The following HIBADH variants were observed in gnomAD, a reference collection of about 807,000 sequenced individuals.
HIBADH encodes the protein 3-hydroxyisobutyrate dehydrogenase.
Under a neutral mutation model 36.1 loss-of-function variants are expected in HIBADH, and 25 were observed. The ratio of observed to expected loss-of-function variants is 0.69; its 90% CI spans 0.50 to 0.97. HIBADH has a LOEUF of 0.97. Among genes scored for constraint, HIBADH ranks in the 50% least tolerant of loss-of-function variants. The probability of loss-of-function intolerance (pLI) is 0.00; values close to 1 mark genes in which losing one functional copy is unlikely to be tolerated. For synonymous variants in HIBADH, 160 were observed against 149.5 expected (o/e 1.07, Z -0.51); for missense variants, 421 against 418.0 (o/e 1.01, Z -0.06).
At chr7:27,541,906 A>C (rs533694295) in intron 5 of HIBADH, among the ~76,000 whole-genome samples, 3 of 152,250 alleles carry the variant, frequency 2.0e-5, no homozygotes, top group African/African-American at 7.2e-5. Context: ...GTTCACTGCA[A>C]TAGCAACAGG....
At chr7:27,572,762 A>G (rs966948021) in intron 4 of HIBADH, among the ~76,000 whole-genome samples, 1 of 152,116 alleles carries the variant, frequency 6.6e-6, no homozygotes, top group African/African-American at 2.4e-5. Context: ...CAAGGAACCC[A>G]CTCTCAGCTC....
intron 4 of HIBADH, among the ~76,000 whole-genome samples, chr7:27,574,767 A>C (rs1287219929): frequency 6.6e-6 from 1 of 152,230 alleles, no homozygotes; most frequent in African/African-American, 2.4e-5. Flanking sequence ...TTTTACCAAA[A>C]CACAAGCAAT....
At chr7:27,647,220 G>C (rs1418192515) in intron 2 of HIBADH, among the ~76,000 whole-genome samples, 2 of 152,190 alleles carry the variant, frequency 1.3e-5, no homozygotes, top group Non-Finnish European at 2.9e-5. Context: ...AATGGGCCAG[G>C]GAGTGTCTGC....
intron 4 of HIBADH, among the ~76,000 whole-genome samples, chr7:27,586,891 G>T (rs1454969815): frequency 6.6e-6 from 1 of 152,218 alleles, no homozygotes. Flanking sequence ...CAGGGCCACT[G>T]GCTGTCAGAA....
intron 4 of HIBADH, among the ~76,000 whole-genome samples, chr7:27,552,769 C>T (rs1460735053): frequency 6.6e-6 from 1 of 152,182 alleles, no homozygotes; most frequent in East Asian, 1.9e-4. Flanking sequence ...TACCTTAATG[C>T]ACCTGTTCCT....
chr7:27,543,364 C>A lies in HIBADH; in HGVS notation c.485-264G>T, dbSNP rs184046238. On this transcript the variant is annotated intron_variant, in intron 4 of 7. Transcript: ENST00000265395. ...CTTAATCATTTTGGCACAATCATGG[C>A]CTAACAGATAAGGGAACTTAAAATG... Among the ~76,000 whole-genome samples the A allele has an allele frequency of 3.7e-4, 56 of 152,206 alleles. 1 individual carries two copies. In the East Asian group the frequency reaches 0.011, roughly 29 times the overall value.
At chr7:27,539,493 A>G (rs1359748663) in intron 5 of HIBADH, among the ~76,000 whole-genome samples, 2 of 151,878 alleles carry the variant, frequency 1.3e-5, no homozygotes, top group Non-Finnish European at 2.9e-5. Context: ...TGGGAGGGGG[A>G]GGGAGACAAC....
chr7:27,548,020 A>G (rs572097667), intron 4 of HIBADH, among the ~76,000 whole-genome samples: 1 of 152,268 alleles, frequency 6.6e-6, no homozygotes, highest in African/African-American at 2.4e-5. Context: ...ATTTGTACAA[A>G]TAAATGAAAA....
chr7:27,527,806 A>G (rs1243765047), intron 7 of HIBADH, among the ~76,000 whole-genome samples: 1 of 140,356 alleles, frequency 7.1e-6, no homozygotes, highest in African/African-American at 2.7e-5. Context: ...GCTGGAGTGT[A>G]GTGGCGCAAT....
intron 2 of HIBADH, among the ~76,000 whole-genome samples, chr7:27,634,483 A>C (rs1785803112): frequency 6.6e-6 from 1 of 152,180 alleles, no homozygotes; most frequent in South Asian, 2.1e-4. Flanking sequence ...AGCTCAGTGA[A>C]ATAAGAAAAA....
intron 4 of HIBADH, among the ~76,000 whole-genome samples, chr7:27,549,948 G>A (rs548841153): frequency 2.4e-4 from 36 of 152,030 alleles, no homozygotes; most frequent in African/African-American, 6.8e-4. Context: ...TCGCTCAGTC[G>A]CCAGGATGGA....
At chr7:27,607,239 G>T (rs1785244251) in intron 4 of HIBADH, among the ~76,000 whole-genome samples, 1 of 127,998 alleles carries the variant, frequency 7.8e-6, no homozygotes, top group Admixed American at 8.1e-5. Context: ...GGGCGCCATG[G>T]CTCACACCTA....
chr7:27,552,716 G>T (rs900955230), intron 4 of HIBADH, among the ~76,000 whole-genome samples: 3 of 152,140 alleles, frequency 2.0e-5, no homozygotes, highest in Admixed American at 6.6e-5. Flanking sequence ...TGAAAAATCT[G>T]CAGGAAGAAT....
intron 7 of HIBADH, among the ~76,000 whole-genome samples, chr7:27,529,424 T>C (rs909199370): frequency 2.6e-5 from 4 of 152,156 alleles, no homozygotes; most frequent in African/African-American, 9.7e-5. Context: ...GGTCAAAATA[T>C]CAACATTAAC....
At chr7:27,618,394 G>C (rs1785471912) in intron 4 of HIBADH, among the ~76,000 whole-genome samples, 1 of 152,312 alleles carries the variant, frequency 6.6e-6, no homozygotes, top group African/African-American at 2.4e-5. Flanking sequence ...GGCTGTTGGG[G>C]GTGACCCTGT....
intron 4 of HIBADH, among the ~76,000 whole-genome samples, chr7:27,550,779 C>A (rs1339718841): frequency 6.6e-6 from 1 of 152,142 alleles, no homozygotes; most frequent in Non-Finnish European, 1.5e-5. Context: ...AATCTTTGCA[C>A]CCAGCACATG....
intron 4 of HIBADH, among the ~76,000 whole-genome samples, chr7:27,551,069 T>C (rs866041502): frequency 2.6e-5 from 4 of 152,210 alleles, no homozygotes; most frequent in South Asian, 2.1e-4. Flanking sequence ...CAATCTACAA[T>C]GTATACATAT....
intron 4 of HIBADH, among the ~76,000 whole-genome samples, chr7:27,626,326 A>G (rs1785646465): frequency 6.6e-6 from 1 of 152,162 alleles, no homozygotes; most frequent in South Asian, 2.1e-4. Flanking sequence ...ATAAACTACT[A>G]TCTATACTAT....
At chr7:27,646,967 A>G (rs1786084314) in intron 2 of HIBADH, among the ~76,000 whole-genome samples, 1 of 152,090 alleles carries the variant, frequency 6.6e-6, no homozygotes, top group African/African-American at 2.4e-5. Context: ...AAATGCTGGG[A>G]TTATAGGCAC....
Sources: allele counts gnomAD v4.1 joint callset (sites outside exome capture counted in the v4.1 genomes callset), GRCh38; gene constraint gnomAD v4.1.1; transcripts MANE v1.5; gene names NCBI Gene and HGNC (gene_info 2026-07-23, HGNC 2026-07-21).